Variants in SUCLG2 observed in about 807,000 individuals in gnomAD.
SUCLG2 encodes the protein succinate-CoA ligase GDP-forming subunit beta.
In SUCLG2, 42 loss-of-function variants were observed where a neutral mutation model predicts 47.9. The ratio of observed to expected loss-of-function variants is 0.88; its 90% CI spans 0.69 to 1.14. The LOEUF (loss-of-function observed/expected upper bound fraction) is 1.14, where lower values mean the gene tolerates loss of function less well. Among genes scored for constraint, SUCLG2 ranks in the 50% most tolerant of loss-of-function variants. The pLI is 0.00. For synonymous variants in SUCLG2, 195 were observed against 197.3 expected, an observed-to-expected ratio of 0.99 and a Z score of 0.10; for missense variants, 571 against 525.9, an observed-to-expected ratio of 1.09 and a Z score of -0.84.
intron 1 of SUCLG2, among the ~76,000 whole-genome samples, chr3:67,625,960 A>T (rs185231896): frequency 6.6e-6 from 1 of 152,274 alleles, no homozygotes. Flanking sequence ...AGGATCCCAC[A>T]GTCAAAAGAG....
rs151222721 is a variant in SUCLG2, at chr3:67,537,492, C to T, written c.227-8306G>A. On this transcript the variant is annotated intron_variant, in intron 2 of 10. Transcript: ENST00000307227. ...CACTGATGGGCATTTGGGTTGGTTC[C>T]AAGTCTTTGCTATTGTGCACAGTGC... is the stretch of plus-strand genomic sequence containing the variant. Among the ~76,000 whole-genome samples, 677 of 152,204 alleles carry T rather than the reference C, an allele frequency of 4.4e-3. 8 individuals carry two copies. In the East Asian group the frequency reaches 0.054, roughly 12 times the overall value.
chr3:67,491,339 T>C lies in SUCLG2; in HGVS notation c.1062+4459A>G, dbSNP rs1232881817. Among the ~76,000 whole-genome samples the C allele has an allele frequency of 2.7e-5, 4 of 150,454 alleles. No homozygotes were observed. In the East Asian group the frequency reaches 5.8e-4, roughly 22 times the overall value. ...GAGGAGGCTTCCAGGATCCCTGTTATGTTTTATTTCTTTTTCTTTTACTTT... is the reference window on the plus strand; with the variant it reads ...GAGGAGGCTTCCAGGATCCCTGTTACGTTTTATTTCTTTTTCTTTTACTTT... On this transcript the variant is annotated intron_variant, in intron 9 of 10. Transcript: ENST00000307227.
chr3:67,533,007 CTAAAT>C (rs1706443329), intron 2 of SUCLG2, among the ~76,000 whole-genome samples: 1 of 152,094 alleles, frequency 6.6e-6, no homozygotes, highest in African/African-American at 2.4e-5. Flanking sequence ...AAAGCATAAT[CTAAAT>C]AGAATACACA....
At chr3:67,537,641 G>A (rs774902407) in intron 2 of SUCLG2, among the ~76,000 whole-genome samples, 7 of 152,096 alleles carry the variant, frequency 4.6e-5, no homozygotes, top group South Asian at 2.1e-4. Context: ...TTGAGGAATC[G>A]CCACACTCTC....
chr3:67,424,178 C>T (rs1703241290), intron 9 of SUCLG2, among the ~76,000 whole-genome samples: 1 of 152,166 alleles, frequency 6.6e-6, no homozygotes, highest in South Asian at 2.1e-4. Context: ...CTGGAATAAT[C>T]TTGTAATCCA....
intron 2 of SUCLG2, among the ~76,000 whole-genome samples, chr3:67,534,462 T>C (rs1706484751): frequency 6.6e-6 from 1 of 152,026 alleles, no homozygotes; most frequent in South Asian, 2.1e-4. Context: ...TATTACTATA[T>C]TATGGGCCAC....
chr3:67,376,966 G>A (rs535720743), intron 10 of SUCLG2, among the ~76,000 whole-genome samples: 11 of 152,322 alleles, frequency 7.2e-5, no homozygotes, highest in Admixed American at 2.0e-4. Flanking sequence ...TGGGTAAATC[G>A]TTTAACTTCT....
At chr3:67,632,568 T>C (rs1700945664) in intron 1 of SUCLG2, among the ~76,000 whole-genome samples, 1 of 152,124 alleles carries the variant, frequency 6.6e-6, no homozygotes, top group South Asian at 2.1e-4. Flanking sequence ...GTGATGTGGT[T>C]AAGATCATGG....
At chr3:67,540,156 C>T (rs1437098545) in intron 2 of SUCLG2, among the ~76,000 whole-genome samples, 4 of 151,370 alleles carry the variant, frequency 2.6e-5, no homozygotes, top group African/African-American at 7.3e-5. Flanking sequence ...GTTAGGGTGT[C>T]GATTTTAGCT....
chr3:67,504,605 T>C (rs920848113), intron 7 of SUCLG2, among the ~76,000 whole-genome samples: 9 of 152,176 alleles, frequency 5.9e-5, no homozygotes, highest in Non-Finnish European at 1.0e-4. Flanking sequence ...TCGTTCTCTG[T>C]GAACAGGGAC....
chr3:67,531,743 C>A (rs1034064335), intron 2 of SUCLG2, among the ~76,000 whole-genome samples: 1 of 152,158 alleles, frequency 6.6e-6, no homozygotes, highest in African/African-American at 2.4e-5. Context: ...GTCAGCAAGT[C>A]AGCAGCCCAA....
chr3:67,615,266 A>G (rs987106154), intron 1 of SUCLG2, among the ~76,000 whole-genome samples: 1 of 150,296 alleles, frequency 6.7e-6, no homozygotes, highest in African/African-American at 2.5e-5. Flanking sequence ...AAAAAAAATG[A>G]CATGCCCAAG....
At chr3:67,442,546 T>C (rs1169122966) in intron 9 of SUCLG2, among the ~76,000 whole-genome samples, 1 of 152,212 alleles carries the variant, frequency 6.6e-6, no homozygotes, top group African/African-American at 2.4e-5. Flanking sequence ...CCTGTGAAAA[T>C]GACAGTGGCT....
intron 4 of SUCLG2, among the ~76,000 whole-genome samples, chr3:67,525,721 C>T (rs142512908): frequency 1.0e-3 from 154 of 151,920 alleles, no homozygotes; most frequent in African/African-American, 3.6e-3. Flanking sequence ...TGTAGGGCAA[C>T]GTAAAGAGGA....
intron 2 of SUCLG2, among the ~76,000 whole-genome samples, chr3:67,558,394 G>A (rs1371492438): frequency 6.6e-6 from 1 of 151,552 alleles, no homozygotes; most frequent in Non-Finnish European, 1.5e-5. Flanking sequence ...AACAGCCTCG[G>A]TAGCTCTCTA....
chr3:67,383,610 G>A (rs1575659809), intron 10 of SUCLG2, among the ~76,000 whole-genome samples: 1 of 152,148 alleles, frequency 6.6e-6, no homozygotes, highest in African/African-American at 2.4e-5. Context: ...CCAGTGGCAG[G>A]AAGCCAATGG....
chr3:67,456,104 T>C (rs193247481), intron 9 of SUCLG2, among the ~76,000 whole-genome samples: 1 of 152,338 alleles, frequency 6.6e-6, no homozygotes, highest in East Asian at 1.9e-4. Context: ...GTCAATTTTA[T>C]AATATTTTTC....
chr3:67,643,681 A>G (rs1260056813), intron 1 of SUCLG2, among the ~76,000 whole-genome samples: 2 of 152,208 alleles, frequency 1.3e-5, no homozygotes, highest in African/African-American at 4.8e-5. Context: ...TCAGTCTCCA[A>G]CAAATGAGAC....
At chr3:67,537,305 T>A (rs567758884) in intron 2 of SUCLG2, among the ~76,000 whole-genome samples, 28 of 151,160 alleles carry the variant, frequency 1.9e-4, no homozygotes, top group Non-Finnish European at 3.7e-4. Context: ...CACTTATGAG[T>A]GAGTACATGC....
Sources: gnomAD v4.1 joint callset for allele counts (sites outside exome capture counted in the v4.1 genomes callset) on GRCh38, gnomAD v4.1.1 for gene constraint, MANE v1.5 for transcripts, NCBI Gene and HGNC (gene_info 2026-07-23, HGNC 2026-07-21) for gene names.